The following ARHGAP6 variants were observed in gnomAD, a reference collection of about 807,000 sequenced individuals.
The protein encoded by ARHGAP6 is Rho GTPase activating protein 6.
In ARHGAP6, 16 loss-of-function variants were observed where a neutral mutation model predicts 55.7. The ratio of observed to expected loss-of-function variants is 0.29; its 90% CI spans 0.19 to 0.44. ARHGAP6 has a LOEUF of 0.44. Among genes scored for constraint, ARHGAP6 ranks in the 20% least tolerant of loss-of-function variants. The pLI is 1.00. For missense variants in ARHGAP6, 698 were observed against 808.9 expected (o/e 0.86, Z 1.66); for synonymous variants, 382 against 360.9 (o/e 1.06, Z -0.66).
At chrX:11,466,266 T>C (rs1359937951) in intron 1 of ARHGAP6, among the ~76,000 whole-genome samples, 1 of 111,613 alleles carries the variant, frequency 9.0e-6, no homozygotes, top group Admixed American at 9.5e-5. Flanking sequence ...ATTTTGTGCA[T>C]GAATCACTCA....
chrX:11,321,906 C>T (rs745639086), intron 1 of ARHGAP6, among the ~76,000 whole-genome samples: 1 of 111,859 alleles, frequency 8.9e-6, no homozygotes, highest in East Asian at 2.8e-4. Context: ...CTGCCAGTTT[C>T]CTGGTGAGAA....
chrX:11,225,728 T>C (rs759882291), intron 2 of ARHGAP6: 9 of 650,865 alleles, frequency 1.4e-5, no homozygotes, highest in African/African-American at 2.4e-5. Flanking sequence ...CTGAAAGAGA[T>C]TGAGCCGCCA....
At chrX:11,620,377 T>C (rs1003080777) in intron 1 of ARHGAP6, among the ~76,000 whole-genome samples, 3 of 112,547 alleles carry the variant, frequency 2.7e-5, no homozygotes, top group Non-Finnish European at 3.8e-5. Context: ...AAACATGCAA[T>C]TGTGATAAGT....
At chrX:11,546,796 A>T (rs1288033370) in intron 1 of ARHGAP6, among the ~76,000 whole-genome samples, 1 of 112,325 alleles carries the variant, frequency 8.9e-6, no homozygotes, top group East Asian at 2.8e-4. Context: ...CATTCAATAA[A>T]ATATTATGCA....
intron 1 of ARHGAP6, among the ~76,000 whole-genome samples, chrX:11,342,493 T>C (rs1430955769): frequency 8.9e-6 from 1 of 112,241 alleles, no homozygotes; most frequent in Non-Finnish European, 1.9e-5. Context: ...ATTCATGAAA[T>C]ATAGAAATAC....
intron 1 of ARHGAP6, among the ~76,000 whole-genome samples, chrX:11,404,566 T>C (rs1052981208): frequency 8.9e-6 from 1 of 112,231 alleles, no homozygotes; most frequent in African/African-American, 3.2e-5. Context: ...TTTCAGTTCA[T>C]AAGTTTTTTA....
intron 1 of ARHGAP6, among the ~76,000 whole-genome samples, chrX:11,297,397 G>A (rs893910936): frequency 1.2e-4 from 13 of 111,501 alleles, no homozygotes; most frequent in African/African-American, 4.2e-4. Context: ...CTGGAACCCT[G>A]GTTTCCTCAT....
At chrX:11,472,069 C>T (rs182072413) in intron 1 of ARHGAP6, among the ~76,000 whole-genome samples, 93 of 111,959 alleles carry the variant, frequency 8.3e-4, no homozygotes, top group African/African-American at 3.0e-3. Flanking sequence ...AAGGGTTAAG[C>T]ACAGATTTGA....
chrX:11,178,071 C>T (rs751171062), intron 8 of ARHGAP6, 29 bp downstream of exon 8: 6 of 1,210,105 alleles, frequency 5.0e-6, no homozygotes, highest in South Asian at 1.8e-5. Flanking sequence ...GGAAGAGTCA[C>T]GGCATCTATG....
intron 1 of ARHGAP6, chrX:11,298,551 C>T: frequency 1.7e-6 from 2 of 1,211,384 alleles, no homozygotes; most frequent in Non-Finnish European, 2.2e-6. Context: ...TCACCAGTAC[C>T]CTTCCTATGG....
Position 11,520,628 on chromosome X carries a change from G to A in ARHGAP6, c.588+143613C>T, listed in dbSNP as rs773437303. ...ATAGCGCCACAATAAACATACGTAT[G>A]CATGTGTCTTTATAGCAGCATGATT... On this transcript the variant is annotated intron_variant, in intron 1 of 12. Coordinates refer to ENST00000337414, the MANE Select transcript of ARHGAP6 (RefSeq NM_013427.3). 1.6e-4 allele frequency among the ~76,000 whole-genome samples: 18 copies of A among 111,255 alleles called. No individual in the cohort carries two copies. In the South Asian group the frequency reaches 4.2e-3, roughly 26 times the overall value.
At chrX:11,340,671 G>C in intron 1 of ARHGAP6, among the ~76,000 whole-genome samples, 1 of 107,726 alleles carries the variant, frequency 9.3e-6, no homozygotes, top group Non-Finnish European at 1.9e-5. Context: ...GGAGCTTGCA[G>C]TGAGCCGAGA....
intron 1 of ARHGAP6, among the ~76,000 whole-genome samples, chrX:11,441,141 T>C (rs776488627): frequency 1.8e-5 from 2 of 111,832 alleles, no homozygotes; most frequent in East Asian, 2.8e-4. Flanking sequence ...AGAATAAATA[T>C]ATCAAAGGCC....
At chrX:11,571,487 A>G (rs1203129738) in intron 1 of ARHGAP6, among the ~76,000 whole-genome samples, 2 of 110,285 alleles carry the variant, frequency 1.8e-5, no homozygotes, top group Non-Finnish European at 3.8e-5. Flanking sequence ...GGGATTTTGA[A>G]AATGTAACTA....
In ARHGAP6 at chrX:11,665,140, G is replaced by T. The variant is rs1416169932; in HGVS notation, c.-312C>A. On this transcript the variant is annotated 5_prime_UTR_variant, in exon 1 of 13. Coordinates refer to ENST00000337414, the MANE Select transcript of ARHGAP6 (RefSeq NM_013427.3). ...AGGAAGAGGAGGAGGAAGGTCAGGC[G>T]CTCGCTGGGTTCCCAGCTCCAGCCT... 1.3e-5 allele frequency: 3 copies of T among 227,955 alleles called. No homozygotes were observed. The highest frequency in any genetic ancestry group is 2.3e-5 in the Non-Finnish European group (3 of 127,795). 18.8% of individuals were successfully genotyped at this position (227,955 alleles called of 1,213,427 possible).
At chrX:11,382,450 A>G (rs767399818) in intron 1 of ARHGAP6, among the ~76,000 whole-genome samples, 5 of 111,874 alleles carry the variant, frequency 4.5e-5, no homozygotes, top group African/African-American at 1.6e-4. Context: ...CTGGCTCTTC[A>G]TGTGATAAAC....
At chrX:11,329,722 T>C (rs193153122) in intron 1 of ARHGAP6, among the ~76,000 whole-genome samples, 157 of 112,077 alleles carry the variant, frequency 1.4e-3, no homozygotes, top group Middle Eastern at 9.1e-3. Flanking sequence ...AAAGGCTTAC[T>C]AGTGACCTAG....
At chrX:11,542,574 C>T (rs913823612) in intron 1 of ARHGAP6, among the ~76,000 whole-genome samples, 3 of 110,559 alleles carry the variant, frequency 2.7e-5, no homozygotes, top group East Asian at 5.6e-4. Context: ...AGGGAGAATG[C>T]GGGGGTGGAA....
chrX:11,622,799 T>G (rs948914542), intron 1 of ARHGAP6, among the ~76,000 whole-genome samples: 12 of 111,600 alleles, frequency 1.1e-4, no homozygotes, highest in Non-Finnish European at 2.3e-4. Flanking sequence ...GATTAGAAAT[T>G]TTGCTGTTTC....
Sources: gnomAD v4.1 joint callset for allele counts (sites outside exome capture counted in the v4.1 genomes callset) on GRCh38, gnomAD v4.1.1 for gene constraint, MANE v1.5 for transcripts, NCBI Gene and HGNC (gene_info 2026-07-23, HGNC 2026-07-21) for gene names.